WAC: variants seen among roughly 807,000 people sequenced by gnomAD.
WAC encodes the protein WW domain containing adaptor with coiled-coil.
In WAC, 11 loss-of-function variants were observed where a neutral mutation model predicts 79.6. The observed-to-expected ratio is 0.14, with a 90% CI of 0.09 to 0.23. WAC has a LOEUF of 0.23. Among genes scored for constraint, WAC ranks in the 10% least tolerant of loss-of-function variants. The pLI, the probability that WAC is intolerant of heterozygous loss-of-function variation, is 1.00. For missense variants in WAC, 728 were observed against 773.5 expected, an observed-to-expected ratio of 0.94 and a Z score of 0.70; for synonymous variants, 304 against 276.9, an observed-to-expected ratio of 1.10 and a Z score of -0.97.
At chr10:28,542,883 T>G (rs946298598) in intron 3 of WAC, among the ~76,000 whole-genome samples, 6 of 152,242 alleles carry the variant, frequency 3.9e-5, no homozygotes, top group Admixed American at 1.3e-4. Flanking sequence ...CTGACTGTAT[T>G]TTAGTTTTTG....
intron 3 of WAC, among the ~76,000 whole-genome samples, chr10:28,557,041 T>C (rs576613628): frequency 1.3e-5 from 2 of 151,826 alleles, no homozygotes; most frequent in African/African-American, 2.4e-5. Flanking sequence ...TGTGGTCTTT[T>C]TATGTTCCCT....
chr10:28,609,727 A>G (rs1338652396), intron 8 of WAC, among the ~76,000 whole-genome samples: 1 of 152,082 alleles, frequency 6.6e-6, no homozygotes, highest in East Asian at 1.9e-4. Context: ...ACAAAAACTT[A>G]GCCAGGTGTG....
In WAC at chr10:28,616,330, C is replaced by G. The variant is rs1465858181; in HGVS notation, c.1714C>G (p.Gln572Glu). 1 of 1,612,288 alleles carries G rather than the reference C, an allele frequency of 6.2e-7. No homozygotes were observed. Among genetic ancestry groups the G allele is most frequent in the Admixed American group, 1.7e-5 (1 of 59,738 alleles). ...CAGTGAAAATCTCATAAAACACGTT[C>G]AAGGATGGCCTGCAGATCATGCAGA... ...HFSENLIKHV[Q>E]GWPADHAEKQ... Residue 572 changes from glutamine (Q) to glutamate (E), a missense_variant, in exon 12 of 14, where the codon CAA becomes GAA. This residue lies in a region of WAC where 14 missense variants were observed against 33.1 expected (regional missense o/e 0.42). Transcript: ENST00000354911.
intron 6 of WAC, among the ~76,000 whole-genome samples, chr10:28,592,442 T>C (rs1840140041): frequency 6.6e-6 from 1 of 152,018 alleles, no homozygotes; most frequent in Non-Finnish European, 1.5e-5. Context: ...GCCAACATGG[T>C]GAAACCCCGT....
intron 13 of WAC, 121 bp from the exon 14 acceptor site, chr10:28,619,416 A>G: frequency 1.4e-6 from 1 of 718,188 alleles, no homozygotes; most frequent in Non-Finnish European, 2.2e-6. Flanking sequence ...AATTTTTTAA[A>G]TTTCTTTGCC....
At chr10:28,587,241 T>A (rs1839864738) in intron 4 of WAC, among the ~76,000 whole-genome samples, 1 of 152,216 alleles carries the variant, frequency 6.6e-6, no homozygotes, top group Non-Finnish European at 1.5e-5. Flanking sequence ...TTGTGAAAAG[T>A]AATTTTTAAA....
chr10:28,613,998 G>T (rs1841363061), intron 10 of WAC, among the ~76,000 whole-genome samples: 1 of 152,086 alleles, frequency 6.6e-6, no homozygotes, highest in East Asian at 1.9e-4. Context: ...ATCCATATGT[G>T]TATGATGTGG....
At chr10:28,561,970 A>G (rs1047601639) in intron 3 of WAC, among the ~76,000 whole-genome samples, 1 of 152,208 alleles carries the variant, frequency 6.6e-6, no homozygotes. Context: ...GAAGAAGGGT[A>G]AGGATGAGAA....
chr10:28,611,473 A>G, intron 9 of WAC: 1 of 1,352,224 alleles, frequency 7.4e-7, no homozygotes. Flanking sequence ...GAAAGAAGAA[A>G]TAAGGATGGT....
chr10:28,543,723 A>G (rs1837188836), intron 3 of WAC, among the ~76,000 whole-genome samples: 1 of 152,254 alleles, frequency 6.6e-6, no homozygotes, highest in Non-Finnish European at 1.5e-5. Flanking sequence ...CATTGTAGAA[A>G]AATTAGGAAA....
At chr10:28,589,937 A>C in intron 5 of WAC, 86 bp downstream of exon 5, 1 of 1,040,830 alleles carries the variant, frequency 9.6e-7, no homozygotes, top group South Asian at 1.4e-5. Context: ...ATTCTAATTT[A>C]GCTTTTTTAT....
intron 2 of WAC, chr10:28,535,232 GTTTTC>G (rs1195598501): frequency 5.8e-6 from 1 of 172,794 alleles, no homozygotes; most frequent in Non-Finnish European, 1.2e-5. Flanking sequence ...TGAATTTCTA[GTTTTC>G]TTTTGACTAT....
intron 4 of WAC, among the ~76,000 whole-genome samples, chr10:28,584,598 G>GCTGA (rs1839712875): frequency 6.6e-6 from 1 of 152,108 alleles, no homozygotes; most frequent in Non-Finnish European, 1.5e-5. Context: ...CAATGAGAAG[G>GCTGA]CTGACAAAGG....
At chr10:28,612,844 A>T (rs1216868853) in intron 10 of WAC, among the ~76,000 whole-genome samples, 1 of 152,214 alleles carries the variant, frequency 6.6e-6, no homozygotes, top group Admixed American at 6.5e-5. Flanking sequence ...AAGAATTAAA[A>T]TGTGAGTTTT....
intron 3 of WAC, among the ~76,000 whole-genome samples, chr10:28,554,744 C>G (rs748338292): frequency 3.3e-5 from 5 of 152,180 alleles, no homozygotes; most frequent in Admixed American, 6.5e-5. Context: ...CAGTGGCCAA[C>G]TCCTATGTCT....
intron 3 of WAC, among the ~76,000 whole-genome samples, chr10:28,564,477 G>A (rs948957349): frequency 5.9e-5 from 9 of 152,124 alleles, no homozygotes; most frequent in African/African-American, 2.2e-4. Context: ...TGGAAATTAA[G>A]GAATGTTAGT....
intron 4 of WAC, among the ~76,000 whole-genome samples, chr10:28,587,296 A>G (rs1839868268): frequency 6.6e-6 from 1 of 152,238 alleles, no homozygotes; most frequent in Non-Finnish European, 1.5e-5. Flanking sequence ...TTAATAGAAA[A>G]AGACACTTAG....
chr10:28,590,599 C>T lies in WAC; in HGVS notation c.498-121C>T, dbSNP rs568652620. ...ATCTCACACACCAGTTAAATTATGA[C>T]CATGTTCACTCCTTTTGTTTTCTGT... On this transcript the variant is annotated intron_variant, in intron 5 of 13. Transcript: ENST00000354911. 2.9e-5 allele frequency: 22 copies of T among 770,248 alleles called. No individual in the cohort carries two copies. In the South Asian group the frequency reaches 3.8e-4, roughly 13 times the overall value. 47.7% of individuals were successfully genotyped at this position (770,248 alleles called of 1,614,324 possible). A position where few individuals can be genotyped will look rare whatever the true frequency, so the allele number is the denominator to read the frequency against.
At chr10:28,549,054 A>G (rs1179780222) in intron 3 of WAC, among the ~76,000 whole-genome samples, 1 of 152,150 alleles carries the variant, frequency 6.6e-6, no homozygotes, top group Non-Finnish European at 1.5e-5. Flanking sequence ...ATATGCTGCC[A>G]CTTCTGGCTA....
Sources: gnomAD v4.1 joint callset for allele counts (sites outside exome capture counted in the v4.1 genomes callset) on GRCh38, gnomAD v4.1.1 for gene constraint, gnomAD v4.1.1 regional missense constraint, MANE v1.5 for transcripts, NCBI Gene and HGNC (gene_info 2026-07-23, HGNC 2026-07-21) for gene names.